The following CTNNA2 variants were observed in gnomAD, a reference collection of about 807,000 sequenced individuals.
CTNNA2 encodes the protein catenin alpha-2.
Under a neutral mutation model 101.0 loss-of-function variants are expected in CTNNA2, and 42 were observed. The ratio of observed to expected loss-of-function variants is 0.42; its 90% confidence interval spans 0.32 to 0.54. The LOEUF (loss-of-function observed/expected upper bound fraction) is 0.54, where lower values mean the gene tolerates loss of function less well. CTNNA2 is among the 20% of genes least tolerant of loss of function. CTNNA2 has a pLI of 0.14. For synonymous variants in CTNNA2, 450 were observed against 456.4 expected, an observed-to-expected ratio of 0.99 and a Z score of 0.18; for missense variants, 871 against 1,223.1, an observed-to-expected ratio of 0.71 and a Z score of 4.29.
intron 7 of CTNNA2, among the ~76,000 whole-genome samples, chr2:80,312,850 G>T: frequency 6.6e-6 from 1 of 152,234 alleles, no homozygotes; most frequent in South Asian, 2.1e-4. Context: ...ACCTTTAAAG[G>T]GAGAAGAAGA....
chr2:79,287,166 T>C (rs1675622541), intron 2 of CTNNA2, among the ~76,000 whole-genome samples: 1 of 152,178 alleles, frequency 6.6e-6, no homozygotes, highest in Non-Finnish European at 1.5e-5. Flanking sequence ...TCTAAATTTT[T>C]TTCAAAGTTT....
At chr2:80,184,965 T>C (rs1253144565) in intron 7 of CTNNA2, among the ~76,000 whole-genome samples, 4 of 152,226 alleles carry the variant, frequency 2.6e-5, no homozygotes, top group African/African-American at 7.2e-5. Context: ...TTCTGTATGC[T>C]AGTATATTGG....
At chr2:80,631,202 G>T (rs1424236848) in intron 18 of CTNNA2, among the ~76,000 whole-genome samples, 1 of 151,946 alleles carries the variant, frequency 6.6e-6, no homozygotes, top group Non-Finnish European at 1.5e-5. Context: ...ATTTTTAGTA[G>T]GTACAAGATA....
At chr2:80,213,079 T>C (rs1227948116) in intron 7 of CTNNA2, among the ~76,000 whole-genome samples, 6 of 152,186 alleles carry the variant, frequency 3.9e-5, no homozygotes, top group Admixed American at 1.3e-4. Context: ...TCATTTTTTA[T>C]TGTGTCTATT....
chr2:80,460,007 T>A (rs1572943714), intron 9 of CTNNA2, among the ~76,000 whole-genome samples: 1 of 152,170 alleles, frequency 6.6e-6, no homozygotes, highest in Admixed American at 6.6e-5. Flanking sequence ...AGCGTTTATT[T>A]GGGAAATCCC....
At chr2:79,426,486 G>A (rs1678593473) in intron 4 of CTNNA2, among the ~76,000 whole-genome samples, 1 of 152,086 alleles carries the variant, frequency 6.6e-6, no homozygotes. Flanking sequence ...ATATGCTCCA[G>A]TTATAATAGC....
At chr2:79,768,391 A>C (rs1673316518) in intron 3 of CTNNA2, among the ~76,000 whole-genome samples, 1 of 151,146 alleles carries the variant, frequency 6.6e-6, no homozygotes, top group Admixed American at 6.6e-5. Flanking sequence ...TGTTAAAACC[A>C]GGTACTATGA....
At chr2:79,583,094 T>C (rs1347354390) in intron 1 of CTNNA2, among the ~76,000 whole-genome samples, 1 of 152,094 alleles carries the variant, frequency 6.6e-6, no homozygotes, top group Non-Finnish European at 1.5e-5. Context: ...AGCATTATTC[T>C]ACCACATGGT....
At chr2:80,098,776 A>G (rs1306744922) in intron 7 of CTNNA2, among the ~76,000 whole-genome samples, 1 of 152,164 alleles carries the variant, frequency 6.6e-6, no homozygotes, top group Non-Finnish European at 1.5e-5. Context: ...GCAATGAGGG[A>G]GGCTTCGTGG....
chr2:80,564,509 G>GTTT (rs70940087), intron 12 of CTNNA2, among the ~76,000 whole-genome samples: 8 of 141,384 alleles, frequency 5.7e-5, no homozygotes, highest in East Asian at 2.1e-4. Flanking sequence ...AATTTAGAGA[G>GTTT]TTTTTTTTTT....
At chr2:79,230,642 G>A (rs939488222) in intron 2 of CTNNA2, among the ~76,000 whole-genome samples, 3 of 152,118 alleles carry the variant, frequency 2.0e-5, no homozygotes, top group East Asian at 3.9e-4. Context: ...GTGAGAAGAG[G>A]GCCACCATCC....
chr2:79,366,213 G>C (rs774632755), intron 3 of CTNNA2, among the ~76,000 whole-genome samples: 3 of 152,306 alleles, frequency 2.0e-5, no homozygotes, highest in African/African-American at 7.2e-5. Context: ...GCTATGCAGA[G>C]TGAGGACAAG....
chr2:79,638,618 T>A (rs1283386209), intron 1 of CTNNA2, among the ~76,000 whole-genome samples: 1 of 152,332 alleles, frequency 6.6e-6, no homozygotes, highest in Middle Eastern at 3.4e-3. Context: ...AGTACCTGTT[T>A]ACTTTAGATC....
intron 15 of CTNNA2, among the ~76,000 whole-genome samples, chr2:80,600,201 A>T (rs987310082): frequency 7.2e-5 from 11 of 151,992 alleles, no homozygotes; most frequent in African/African-American, 2.4e-4. Context: ...CCCTATACAA[A>T]AGGCATAAAC....
At chr2:79,546,441 A>G (rs768082749) in intron 1 of CTNNA2, among the ~76,000 whole-genome samples, 8 of 152,170 alleles carry the variant, frequency 5.3e-5, no homozygotes, top group Non-Finnish European at 1.0e-4. Flanking sequence ...AGTATTTACA[A>G]TTGTATTCAA....
chr2:80,386,035 C>A (rs1471870156), intron 7 of CTNNA2, among the ~76,000 whole-genome samples: 1 of 151,738 alleles, frequency 6.6e-6, no homozygotes, highest in East Asian at 1.9e-4. Flanking sequence ...CTGAGCCAGT[C>A]CTGCTTTGCG....
intron 1 of CTNNA2, among the ~76,000 whole-genome samples, chr2:79,626,680 G>T (rs1331299447): frequency 6.6e-6 from 1 of 151,510 alleles, no homozygotes; most frequent in East Asian, 2.0e-4. Flanking sequence ...CATGGGAAAG[G>T]TGTGGGAAAT....
At chr2:80,016,154 G>T (rs1694123245) in intron 7 of CTNNA2, among the ~76,000 whole-genome samples, 1 of 152,196 alleles carries the variant, frequency 6.6e-6, no homozygotes, top group African/African-American at 2.4e-5. Context: ...ATTTTCTGCA[G>T]TGTAGAAGTA....
chr2:79,959,954 T>G (rs1689515258), intron 7 of CTNNA2, among the ~76,000 whole-genome samples: 1 of 152,230 alleles, frequency 6.6e-6, no homozygotes, highest in African/African-American at 2.4e-5. Flanking sequence ...TGGAGAATAT[T>G]CAAATTGGCT....
Sources: allele counts gnomAD v4.1 joint callset (sites outside exome capture counted in the v4.1 genomes callset), GRCh38; gene constraint gnomAD v4.1.1; transcripts MANE v1.5; gene names NCBI Gene and HGNC (gene_info 2026-07-23, HGNC 2026-07-21).